AFAP1: variants seen among roughly 807,000 people sequenced by gnomAD.
AFAP1 encodes actin filament associated protein 1.
In AFAP1, 75 loss-of-function variants were observed where a neutral mutation model predicts 93.9. The observed-to-expected ratio is 0.80, with a 90% CI of 0.66 to 0.97. The LOEUF is 0.97. AFAP1 is among the 50% of genes least tolerant of loss of function. The probability of loss-of-function intolerance (pLI) is 0.00; values close to 1 mark genes in which losing one functional copy is unlikely to be tolerated. For missense variants in AFAP1, 1,201 were observed against 1,050.8 expected, an observed-to-expected ratio of 1.14 and a Z score of -1.98; for synonymous variants, 517 against 430.7, an observed-to-expected ratio of 1.20 and a Z score of -2.48.
Position 7,759,453 on chromosome 4 carries a change from G to A in AFAP1, c.*4312C>T, listed in dbSNP as rs1330872175. 1 of 152,608 alleles carries A rather than the reference G, an allele frequency of 6.6e-6. No homozygotes were observed. Among genetic ancestry groups the A allele is most frequent in the East Asian group, 1.9e-4 (1 of 5,192 alleles). The allele number at this position is 152,608 out of a possible 1,614,324, so 9.5% of individuals were successfully genotyped here. On this transcript the variant is annotated 3_prime_UTR_variant, in exon 18 of 18. Coordinates refer to ENST00000420658, the MANE Select transcript of AFAP1 (RefSeq NM_001134647.2). ...TGGGGACTCACGAATAGAGGTGACT[G>A]CTTTTTCTGCAGTGCTGTGCCACGT... is the stretch of plus-strand genomic sequence containing the variant.
intron 1 of AFAP1, among the ~76,000 whole-genome samples, chr4:7,893,855 G>T (rs1325399930): frequency 6.6e-6 from 1 of 152,118 alleles, no homozygotes; most frequent in African/African-American, 2.4e-5. Flanking sequence ...GGTACACCAG[G>T]GCGAGGGTGT....
At chr4:7,897,052 A>C (rs1388377442) in intron 1 of AFAP1, among the ~76,000 whole-genome samples, 1 of 151,730 alleles carries the variant, frequency 6.6e-6, no homozygotes, top group Non-Finnish European at 1.5e-5. Context: ...TCTTCTCCTA[A>C]TTCTATCCAC....
intron 16 of AFAP1, among the ~76,000 whole-genome samples, chr4:7,771,896 A>G (rs985454686): frequency 5.9e-5 from 9 of 151,916 alleles, no homozygotes; most frequent in Admixed American, 3.3e-4. Context: ...GGAGAAGGGG[A>G]GAGTAAGGAA....
chr4:7,825,378 G>A (rs1419333373), intron 6 of AFAP1, among the ~76,000 whole-genome samples: 1 of 152,184 alleles, frequency 6.6e-6, no homozygotes, highest in African/African-American at 2.4e-5. Flanking sequence ...CCAAGACGTG[G>A]CCTTTACAAG....
At chr4:7,919,611 C>T (rs1720321791) in intron 1 of AFAP1, among the ~76,000 whole-genome samples, 1 of 151,942 alleles carries the variant, frequency 6.6e-6, no homozygotes, top group South Asian at 2.1e-4. Flanking sequence ...ATGAAACCTG[C>T]GGATTTTTTG....
chr4:7,877,289 T>C (rs536588898), intron 1 of AFAP1, among the ~76,000 whole-genome samples: 13 of 152,356 alleles, frequency 8.5e-5, no homozygotes, highest in African/African-American at 3.1e-4. Flanking sequence ...CAACGGGTCC[T>C]GTGAAAGGCA....
chr4:7,806,899 C>T (rs779302012), intron 9 of AFAP1, among the ~76,000 whole-genome samples: 6 of 150,450 alleles, frequency 4.0e-5, no homozygotes, highest in East Asian at 2.2e-4. Context: ...GAGGGTTTAC[C>T]GCAGTGTCTA....
At chr4:7,821,316 A>C (rs1720954836) in intron 6 of AFAP1, among the ~76,000 whole-genome samples, 2 of 152,202 alleles carry the variant, frequency 1.3e-5, no homozygotes, top group African/African-American at 4.8e-5. Flanking sequence ...GTGTACATTC[A>C]AACCATGGAA....
chr4:7,894,652 G>A (rs1206962955), intron 1 of AFAP1, among the ~76,000 whole-genome samples: 1 of 152,162 alleles, frequency 6.6e-6, no homozygotes, highest in Admixed American at 6.5e-5. Context: ...TAACTGTGTT[G>A]GCTCCTTCTA....
intron 12 of AFAP1, among the ~76,000 whole-genome samples, chr4:7,783,297 G>A (rs1716950722): frequency 6.6e-6 from 1 of 152,078 alleles, no homozygotes; most frequent in African/African-American, 2.4e-5. Flanking sequence ...CCACCACCAT[G>A]CCCGGCTAAT....
intron 16 of AFAP1, among the ~76,000 whole-genome samples, chr4:7,771,509 GGAAT>G (rs915358470): frequency 3.3e-5 from 5 of 152,260 alleles, no homozygotes; most frequent in Non-Finnish European, 7.4e-5. Flanking sequence ...TTGGATGAGT[GGAAT>G]GAATGAATGA....
chr4:7,818,639 C>T (rs1236363082), intron 7 of AFAP1, among the ~76,000 whole-genome samples: 1 of 152,250 alleles, frequency 6.6e-6, no homozygotes, highest in Non-Finnish European at 1.5e-5. Flanking sequence ...TCCCCGCCCA[C>T]TGCTGTGCCC....
chr4:7,782,779 T>G (rs1322721158), intron 12 of AFAP1, among the ~76,000 whole-genome samples: 1 of 152,208 alleles, frequency 6.6e-6, no homozygotes, highest in African/African-American at 2.4e-5. Context: ...AGAGAAGACT[T>G]AAAATTCTGC....
intron 9 of AFAP1, among the ~76,000 whole-genome samples, chr4:7,805,090 G>A (rs1719386639): frequency 6.6e-6 from 1 of 152,034 alleles, no homozygotes; most frequent in African/African-American, 2.4e-5. Flanking sequence ...TTTTTGAGGT[G>A]GGGCCTTGCT....
chr4:7,787,483 T>A (rs981655488), intron 11 of AFAP1, among the ~76,000 whole-genome samples: 1 of 152,188 alleles, frequency 6.6e-6, no homozygotes, highest in Admixed American at 6.5e-5. Flanking sequence ...GTGACTGGCA[T>A]CTGAAGTGGA....
intron 3 of AFAP1, among the ~76,000 whole-genome samples, chr4:7,861,280 T>G (rs1470678813): frequency 1.3e-5 from 2 of 152,210 alleles, no homozygotes; most frequent in Non-Finnish European, 1.5e-5. Context: ...AGCAGCACCC[T>G]ACGGCATTCA....
chr4:7,819,124 C>G lies in AFAP1; in HGVS notation c.774G>C (p.Glu258Asp), dbSNP rs1294009700. ...CCGGGGAGCTTGGTGGAGGAGGACA[C>G]TCTGAATCCACGGGGCCACTACAAC... ...YSGCSGPVDSECPPPPSSPVH... is the reference protein window; with the variant it reads ...YSGCSGPVDSDCPPPPSSPVH... The change falls in exon 7 of 18, where the codon GAG becomes GAC. Residue 258 changes from glutamate to aspartate, a missense_variant. By Grantham distance (45) the Glu-to-Asp change is conservative. Transcript: ENST00000420658. 1.2e-6 allele frequency: 2 copies of G among 1,613,888 alleles called. No individual in the cohort carries two copies. Among genetic ancestry groups the G allele is most frequent in the African/African-American group, 1.3e-5 (1 of 75,036 alleles).
At position 7,939,477 on chromosome 4, in the gene AFAP1, C is replaced by T; in HGVS notation, c.-3+179G>A. 1 of 301,176 alleles carries T rather than the reference C, an allele frequency of 3.3e-6. No individual in the cohort carries two copies. The highest frequency in any genetic ancestry group is 1.5e-4 in the East Asian group (1 of 6,456). The allele number at this position is 301,176 out of a possible 1,614,324, so 18.7% of individuals were successfully genotyped here. A position where few individuals can be genotyped will look rare whatever the true frequency, so the allele number is the denominator to read the frequency against. ...GCCCCCACCCGCAGGACGACCGGGACCCCCGCGCGGGCCCACGCGGCGTCG... is the reference window on the plus strand; with the variant it reads ...GCCCCCACCCGCAGGACGACCGGGATCCCCGCGCGGGCCCACGCGGCGTCG... On this transcript the variant is annotated intron_variant, in intron 1 of 17. Coordinates refer to ENST00000420658, the MANE Select transcript of AFAP1 (RefSeq NM_001134647.2). The surrounding 1 kb of genome is among the most constrained non-coding windows in gnomAD (Gnocchi z 5.6).
chr4:7,859,856 A>C (rs1560204605), intron 3 of AFAP1, among the ~76,000 whole-genome samples: 1 of 152,204 alleles, frequency 6.6e-6, no homozygotes. Flanking sequence ...TGAATTCTTT[A>C]AACAAAAAGA....
Sources: allele counts gnomAD v4.1 joint callset (sites outside exome capture counted in the v4.1 genomes callset), GRCh38; gene constraint gnomAD v4.1.1; non-coding constraint Gnocchi (gnomAD v3.1); transcripts MANE v1.5; gene names NCBI Gene and HGNC (gene_info 2026-07-23, HGNC 2026-07-21).